The following RCC1L variants were observed in gnomAD, a reference collection of about 807,000 sequenced individuals.
RCC1L encodes RCC1 like.
RCC1L carries 46 observed loss-of-function variants against 58.6 expected under a neutral mutation model. The ratio of observed to expected loss-of-function variants is 0.79; its 90% CI spans 0.62 to 1.00. The LOEUF (loss-of-function observed/expected upper bound fraction) is 1.00. Ranked by LOEUF, RCC1L falls within the 50% of genes least tolerant of loss-of-function variation. The pLI is 0.00. For synonymous variants in RCC1L, 281 were observed against 262.9 expected (o/e 1.07, Z -0.67); for missense variants, 636 against 623.6 (o/e 1.02, Z -0.21).
chr7:75,028,087 G>C, intron 10 of RCC1L: 1 of 1,530,192 alleles, frequency 6.5e-7, no homozygotes, highest in Non-Finnish European at 8.7e-7. Flanking sequence ...TGCCTGGCGG[G>C]GGAGGAAGAG....
At position 75,057,834 on chromosome 7, in the gene RCC1L, C is replaced by T. The variant is rs1309255310; in HGVS notation, c.970-218G>A. 3.6e-5 allele frequency: 22 copies of T among 609,018 alleles called. 1 individual carries two copies. The East Asian group carries it at 3.8e-4, about 11-fold the overall frequency. 37.7% of individuals were successfully genotyped at this position (609,018 alleles called of 1,614,324 possible). A position where few individuals can be genotyped will look rare whatever the true frequency, so the allele number is the denominator to read the frequency against. On this transcript the variant is annotated intron_variant, in intron 7 of 10. Transcript: ENST00000610322. Reference sequence around the variant, plus strand: ...CCTCAGAGAGTTCTAGTCTAGTGGACGAGGCAGATGTCAACCAAAATTAAC... The same window carrying T: ...CCTCAGAGAGTTCTAGTCTAGTGGATGAGGCAGATGTCAACCAAAATTAAC...
chr7:75,056,185 GTTTTT>G, intron 8 of RCC1L, 111 bp from the exon 9 acceptor site: 1 of 1,084,860 alleles, frequency 9.2e-7, no homozygotes, highest in South Asian at 1.6e-5. Flanking sequence ...GTTTTTTTTT[GTTTTT>G]TTTTTGTTTT....
intron 2 of RCC1L, among the ~76,000 whole-genome samples, chr7:75,069,916 C>T (rs1404402832): frequency 1.3e-5 from 2 of 152,116 alleles, no homozygotes; most frequent in Middle Eastern, 6.3e-3. Flanking sequence ...CTAATGTCTA[C>T]TTTTTAAAAT....
intron 9 of RCC1L, among the ~76,000 whole-genome samples, chr7:75,053,819 G>A (rs1329451453): frequency 2.0e-5 from 3 of 152,114 alleles, no homozygotes; most frequent in African/African-American, 2.4e-5. Flanking sequence ...GATGAAGTAC[G>A]GAATAATTAC....
Position 75,051,246 on chromosome 7 carries a change from TTA to T in RCC1L, c.1317+1463_1317+1464del, listed in dbSNP as rs1292165829. 2.2e-3 allele frequency among the ~76,000 whole-genome samples: 329 copies of T among 147,430 alleles called. 1 individual carries two copies. Among genetic ancestry groups the T allele is most frequent in the African/African-American group, 8.0e-3 (322 of 40,398 alleles). ...AAATGTATTATATATGTATATATATTTATATGTGTGTGTGTATATATACACAC... is the reference window on the plus strand; with the variant it reads ...AAATGTATTATATATGTATATATATTTATGTGTGTGTGTATATATACACAC... On this transcript the variant is annotated intron_variant, in intron 10 of 10. Coordinates refer to ENST00000610322, the MANE Select transcript of RCC1L (RefSeq NM_030798.5).
Position 75,042,816 on chromosome 7 carries a change from G to C in RCC1L, c.*216C>G, listed in dbSNP as rs1239300538. 1.1e-5 allele frequency: 16 copies of C among 1,439,670 alleles called. No individual in the cohort carries two copies. Among genetic ancestry groups the C allele is most frequent in the Non-Finnish European group, 1.5e-5 (16 of 1,092,932 alleles). The allele number at this position is 1,439,670 out of a possible 1,614,324, so 89.2% of individuals were successfully genotyped here. On this transcript the variant is annotated 3_prime_UTR_variant, in exon 11 of 11. Coordinates refer to ENST00000610322, the MANE Select transcript of RCC1L (RefSeq NM_030798.5). ...CGGCCCACCAAAGGCTGCCATCCAA[G>C]CTGAGTTCCGCAGGCCTCACCTGCA...
At chr7:75,056,690 T>C in intron 8 of RCC1L, 1 of 1,535,502 alleles carries the variant, frequency 6.5e-7, no homozygotes, top group Non-Finnish European at 8.7e-7. Context: ...CTCCAGAGGT[T>C]TGCTCTAGGA....
chr7:75,067,538 A>C (rs947972156), intron 2 of RCC1L, among the ~76,000 whole-genome samples: 1 of 152,156 alleles, frequency 6.6e-6, no homozygotes, highest in Non-Finnish European at 1.5e-5. Context: ...CTGAGGCAGG[A>C]GAACTGCTTG....
chr7:75,036,583 C>T (rs1255691039), intron 10 of RCC1L, among the ~76,000 whole-genome samples: 1 of 152,024 alleles, frequency 6.6e-6, no homozygotes, highest in African/African-American at 2.4e-5. Flanking sequence ...TATCAATCAT[C>T]TTCTTCATCT....
At chr7:75,030,042 G>T (rs1023660255) in intron 10 of RCC1L, among the ~76,000 whole-genome samples, 4 of 152,338 alleles carry the variant, frequency 2.6e-5, no homozygotes, top group Admixed American at 2.6e-4. Flanking sequence ...GCCAGGAGCA[G>T]CCTGGAGCAG....
intron 6 of RCC1L, among the ~76,000 whole-genome samples, chr7:75,060,925 T>C (rs1019617516): frequency 4.0e-5 from 6 of 151,842 alleles, no homozygotes; most frequent in African/African-American, 1.2e-4. Flanking sequence ...TTACAAAAAA[T>C]TAGCTGGGCT....
Position 75,057,617 on chromosome 7 carries a change from C to T in RCC1L, c.970-1G>A, listed in dbSNP as rs1249147281. On this transcript the variant is annotated splice_acceptor_variant, in intron 7 of 10. Transcript: ENST00000610322. LOFTEE classifies it high-confidence loss of function. ...AGTGTAAGCAGCGGGGCACATTCACCTGAACCAAAGAAAGGAGCCACACTG... is the reference window on the plus strand; with the variant it reads ...AGTGTAAGCAGCGGGGCACATTCACTTGAACCAAAGAAAGGAGCCACACTG... 2.5e-6 allele frequency: 4 copies of T among 1,613,784 alleles called. No individual in the cohort carries two copies. Among genetic ancestry groups the T allele is most frequent in the Non-Finnish European group, 2.5e-6 (3 of 1,179,836 alleles).
Position 75,073,380 on chromosome 7 carries a change from G to A in RCC1L, c.324+34C>T, listed in dbSNP as rs1806838326. 4 of 966,666 alleles carry A rather than the reference G, an allele frequency of 4.1e-6. No individual in the cohort carries two copies. The East Asian group carries it at 9.8e-5, about 24-fold the overall frequency. 59.9% of individuals were successfully genotyped at this position (966,666 alleles called of 1,614,324 possible). On this transcript the variant is annotated intron_variant, in intron 1 of 10. Transcript: ENST00000610322. ...AGGGAGGCCGGGAGCGCGGAAGAGA[G>A]AGAAGGAGAGAAGGAGGAAGCCGCG...
chr7:75,066,923 A>G (rs1806513907), intron 2 of RCC1L, 131 bp from the exon 3 acceptor site: 1 of 1,265,952 alleles, frequency 7.9e-7, no homozygotes, highest in Non-Finnish European at 1.0e-6. Context: ...CAGGTAAGTT[A>G]GGCGCAGAGC....
At chr7:75,045,547 C>T (rs1432865194) in intron 10 of RCC1L, among the ~76,000 whole-genome samples, 15 of 150,606 alleles carry the variant, frequency 1.0e-4, no homozygotes, top group African/African-American at 3.4e-4. Flanking sequence ...GACGGAGTCT[C>T]GCTCTGTCAC....
At position 75,058,359 on chromosome 7, in the gene RCC1L, C is replaced by T. The variant is rs587775191; in HGVS notation, c.969+229G>A. 2.0e-5 allele frequency among the ~76,000 whole-genome samples: 3 copies of T among 151,222 alleles called. No individual in the cohort carries two copies. In the East Asian group the frequency reaches 6.0e-4, roughly 30 times the overall value. ...TTCTCATGCCTCAGCCTCCCCAGTA[C>T]CTGGGATTACAGGCATGCACCACCA... On this transcript the variant is annotated intron_variant, in intron 7 of 10. Coordinates refer to ENST00000610322, the MANE Select transcript of RCC1L (RefSeq NM_030798.5).
intron 10 of RCC1L, among the ~76,000 whole-genome samples, chr7:75,045,855 C>T (rs1805704268): frequency 6.6e-6 from 1 of 152,340 alleles, no homozygotes; most frequent in Non-Finnish European, 1.5e-5. Context: ...GAAAGTGACC[C>T]TGCCTGGCTT....
At position 75,073,589 on chromosome 7, in the gene RCC1L, T is replaced by A; in HGVS notation, c.149A>T (p.Tyr50Phe). ...GGCGCGGGCAGCGCGCTCGCCCACG[T>A]ACTGGACCACGGGCACCTCCGCCTC... ...EAEAEVPVVQ[Y>F]VGERAARADR... Residue 50 changes from tyrosine (Y) to phenylalanine (F), a missense_variant, in exon 1 of 11, where the codon TAC (tyrosine) becomes TTC (phenylalanine). By Grantham distance (22) the Tyr-to-Phe change is conservative. Transcript: ENST00000610322. The A allele has an allele frequency of 6.5e-7, 1 of 1,530,588 alleles. No individual in the cohort carries two copies. Among genetic ancestry groups the A allele is most frequent in the Non-Finnish European group, 8.7e-7 (1 of 1,149,964 alleles). 94.8% of individuals were successfully genotyped at this position (1,530,588 alleles called of 1,614,324 possible). A position where few individuals can be genotyped will look rare whatever the true frequency, so the allele number is the denominator to read the frequency against.
Position 75,073,647 on chromosome 7 carries a change from G to C in RCC1L, c.91C>G (p.Arg31Gly). The C allele has an allele frequency of 1.4e-6, 2 of 1,474,806 alleles. No homozygotes were observed. Among genetic ancestry groups the C allele is most frequent in the Non-Finnish European group, 1.8e-6 (2 of 1,120,738 alleles). 91.4% of individuals were successfully genotyped at this position (1,474,806 alleles called of 1,614,324 possible). Residue 31 changes from arginine to glycine, a missense_variant, in exon 1 of 11, where the codon CGC becomes GGC. By Grantham distance (125) the Arg-to-Gly change is moderately radical. Transcript: ENST00000610322. ...LGRGHWTAAG[R>G]SRSRREAAEA... is the part of the protein sequence containing the mutation. ...GCCGCTTCGCGCCGGCTCCGGGAGC[G>C]CCCGGCCGCCGTCCAGTGCCCTCGC...
Sources: allele counts gnomAD v4.1 joint callset (sites outside exome capture counted in the v4.1 genomes callset), GRCh38; gene constraint gnomAD v4.1.1; transcripts MANE v1.5; gene names NCBI Gene and HGNC (gene_info 2026-07-23, HGNC 2026-07-21).